Variants in NOM1 observed in about 807,000 individuals in gnomAD.
The protein encoded by NOM1 is nucleolar protein with MIF4G domain 1, also known as nucleolar MIF4G domain-containing protein 1.
In NOM1, 58 loss-of-function variants were observed where a neutral mutation model predicts 73.3. That is an observed-to-expected ratio of 0.79 (90% confidence interval 0.64 to 0.99). The LOEUF (loss-of-function observed/expected upper bound fraction) is 0.99, where lower values mean the gene tolerates loss of function less well. Among genes scored for constraint, NOM1 ranks in the 50% least tolerant of loss-of-function variants. The probability of loss-of-function intolerance (pLI) is 0.00; values close to 1 mark genes in which losing one functional copy is unlikely to be tolerated. For missense variants in NOM1, 1,226 were observed against 1,131.9 expected (o/e 1.08, Z -1.19); for synonymous variants, 487 against 446.8 (o/e 1.09, Z -1.14).
chr7:156,960,358 T>C (rs1227978606), intron 4 of NOM1, 184 bp downstream of exon 4: 3 of 583,068 alleles, frequency 5.1e-6, no homozygotes, highest in Non-Finnish European at 9.0e-6. Flanking sequence ...AGAAAAATAT[T>C]TTGTGAATTT....
chr7:156,964,795 T>C (rs1474768857), intron 7 of NOM1, among the ~76,000 whole-genome samples: 2 of 152,162 alleles, frequency 1.3e-5, no homozygotes, highest in African/African-American at 4.8e-5. Context: ...TGCCTCTCTG[T>C]GGCCTTGCCG....
Position 156,963,174 on chromosome 7 carries a change from C to T in NOM1, c.1910C>T (p.Thr637Met), listed in dbSNP as rs138999947. 88 of 1,613,892 alleles carry T rather than the reference C, an allele frequency of 5.5e-5. 1 individual carries two copies. Among genetic ancestry groups the T allele is most frequent in the Middle Eastern group, 1.6e-4 (1 of 6,084 alleles). Reference sequence around the variant, plus strand: ...CACCTGCAGAAGCAGCTTGTGGGGACGGTAGGGACACCCATGCTCAAGGCT... The same window carrying T: ...CACCTGCAGAAGCAGCTTGTGGGGATGGTAGGGACACCCATGCTCAAGGCT... Reference protein sequence around the residue: ...HTHLQKQLVGTVSSKILELAR... With the variant: ...HTHLQKQLVGMVSSKILELAR... The change falls in exon 6 of 11, where the codon ACG becomes ATG. Residue 637 changes from threonine (T) to methionine (M), a missense_variant and splice_region_variant. Coordinates refer to ENST00000275820, the MANE Select transcript of NOM1 (RefSeq NM_138400.2).
At chr7:156,968,733 A>ATATG (rs1805069236) in intron 9 of NOM1, 3 of 136,842 alleles carry the variant, frequency 2.2e-5, no homozygotes, top group Non-Finnish European at 4.5e-5. Flanking sequence ...ATATATATAT[A>ATATG]GTTTTAATTA....
chr7:156,964,873 C>G (rs1379962868), intron 7 of NOM1, among the ~76,000 whole-genome samples: 1 of 152,194 alleles, frequency 6.6e-6, no homozygotes, highest in Admixed American at 6.5e-5. Flanking sequence ...GAGGAGAACT[C>G]TTATTCTCTA....
intron 8 of NOM1, 55 bp from the exon 9 acceptor site, chr7:156,966,906 T>C: frequency 9.1e-6 from 4 of 440,164 alleles, no homozygotes; most frequent in South Asian, 4.0e-5. Context: ...GTTAGTGATA[T>C]ATTATAGTAA....
chr7:156,960,388 A>C (rs1804835473), intron 4 of NOM1: 1 of 544,074 alleles, frequency 1.8e-6, no homozygotes. Context: ...TTTATTTAAC[A>C]TTCATCCGTT....
At position 156,963,066 on chromosome 7, in the gene NOM1, T is replaced by C; in HGVS notation, c.1802T>C (p.Leu601Ser). ...TQLRVSWDSVLSAEQTGRWWI... is the reference protein window; with the variant it reads ...TQLRVSWDSVSSAEQTGRWWI... ...CTTCGCGTCTCCTGGGACAGTGTCT[T>C]GAGTGCGGAGCAGACGGGTCGCTGG... Residue 601 changes from leucine to serine, a missense_variant, in exon 6 of 11, where the codon TTG becomes TCG. By Grantham distance (145) the Leu-to-Ser change is moderately radical (BLOSUM62 -2). Transcript: ENST00000275820. The C allele has an allele frequency of 6.2e-7, 1 of 1,614,232 alleles. No homozygotes were observed. Among genetic ancestry groups the C allele is most frequent in the African/African-American group, 1.3e-5 (1 of 75,062 alleles).
In NOM1 at chr7:156,963,007, G is replaced by C; in HGVS notation, c.1744-1G>C. 6.2e-7 allele frequency: 1 copy of C among 1,611,026 alleles called. No individual in the cohort carries two copies. Among genetic ancestry groups the C allele is most frequent in the Non-Finnish European group, 8.5e-7 (1 of 1,177,452 alleles). ...TTCATTAGCTCTTCTCTCTTCATCA[G>C]GTCCGCAACGCCGGCTCAGGTTCTG... On this transcript the variant is annotated splice_acceptor_variant, in intron 5 of 10. Coordinates refer to ENST00000275820, the MANE Select transcript of NOM1 (RefSeq NM_138400.2). LOFTEE classifies it high-confidence loss of function.
intron 3 of NOM1, among the ~76,000 whole-genome samples, chr7:156,956,761 C>G (rs1804735400): frequency 6.6e-6 from 1 of 152,196 alleles, no homozygotes; most frequent in African/African-American, 2.4e-5. Context: ...TTTCTAAGAG[C>G]TGTCCTCATT....
In NOM1 at chr7:156,950,032, C is replaced by G; in HGVS notation, c.295C>G (p.Gln99Glu). Residue 99 changes from glutamine (Q) to glutamate (E), a missense_variant, in exon 1 of 11, where the codon CAG becomes GAG. By Grantham distance (29) the Gln-to-Glu change is conservative. Transcript: ENST00000275820. ...GCACCTGCGGAAAGCACGCCGGCTG[C>G]AGAGGACGGCGGGCCCCGAACAGGG... ...KRHLRKARRL[Q>E]RTAGPEQGPG... The G allele has an allele frequency of 6.5e-7, 1 of 1,542,330 alleles. No individual in the cohort carries two copies. The highest frequency in any genetic ancestry group is 8.7e-7 in the Non-Finnish European group (1 of 1,146,876).
At chr7:156,966,845 T>C (rs1022661392) in intron 8 of NOM1, 116 bp from the exon 9 acceptor site, 1 of 1,123,194 alleles carries the variant, frequency 8.9e-7, no homozygotes, top group African/African-American at 1.6e-5. Flanking sequence ...AAAGTCTTGA[T>C]GTTTAGAATA....
intron 5 of NOM1, 75 bp downstream of exon 5, chr7:156,962,336 A>T (rs1186111261): frequency 1.6e-6 from 2 of 1,219,742 alleles, no homozygotes; most frequent in Admixed American, 3.4e-5. Context: ...AAAATCAAGA[A>T]ATAGTCAGAC....
chr7:156,971,241 T>A lies in NOM1; in HGVS notation c.*1538T>A, dbSNP rs1309813818. 1 of 152,256 alleles carries A rather than the reference T, an allele frequency of 6.6e-6. No individual in the cohort carries two copies. Among genetic ancestry groups the A allele is most frequent in the Non-Finnish European group, 1.5e-5 (1 of 68,042 alleles). 9.4% of individuals were successfully genotyped at this position (152,256 alleles called of 1,614,324 possible). On this transcript the variant is annotated 3_prime_UTR_variant, in exon 11 of 11. Coordinates refer to ENST00000275820, the MANE Select transcript of NOM1 (RefSeq NM_138400.2). ...AAGTCACTAAGATGTGAATACAGAATAGACATTGAGAGGTTATATATGTCC... is the reference window on the plus strand; with the variant it reads ...AAGTCACTAAGATGTGAATACAGAAAAGACATTGAGAGGTTATATATGTCC...
chr7:156,962,880 T>C (rs1804899803), intron 5 of NOM1, 128 bp from the exon 6 acceptor site: 2 of 1,022,896 alleles, frequency 2.0e-6, no homozygotes, highest in East Asian at 5.2e-5. Flanking sequence ...ACCGTCCCAA[T>C]TGCCAGTGAC....
At chr7:156,964,079 T>TA in intron 7 of NOM1, 53 bp downstream of exon 7, 1 of 1,579,492 alleles carries the variant, frequency 6.3e-7, no homozygotes, top group Non-Finnish European at 8.6e-7. Context: ...GTAAAATAAG[T>TA]AAGTTGATTT....
In NOM1 at chr7:156,953,180, A is replaced by G. The variant is rs148113603; in HGVS notation, c.1112+582A>G. Among the ~76,000 whole-genome samples the G allele has an allele frequency of 9.2e-5, 14 of 152,104 alleles. No individual in the cohort carries two copies. In the East Asian group the frequency reaches 1.5e-3, roughly 17 times the overall value. The stretch of plus-strand genomic sequence containing the variant: ...CTCTTGCTGCACTGGCTGGAGTGCA[A>G]TGGCGCTATCTCGGCTCACTGCAAC... On this transcript the variant is annotated intron_variant, in intron 2 of 10. Transcript: ENST00000275820.
At chr7:156,967,212 G>A in intron 9 of NOM1, 120 bp downstream of exon 9, 1 of 1,219,888 alleles carries the variant, frequency 8.2e-7, no homozygotes, top group Non-Finnish European at 1.1e-6. Context: ...CATCTGAAAA[G>A]TGCTTGCATT....
chr7:156,951,953 G>A (rs1804604075), intron 1 of NOM1, among the ~76,000 whole-genome samples: 1 of 152,108 alleles, frequency 6.6e-6, no homozygotes, highest in Non-Finnish European at 1.5e-5. Flanking sequence ...TGATCCGCCC[G>A]CCTCAGCGTC....
In NOM1 at chr7:156,950,069, G is replaced by C. The variant is rs1405181103; in HGVS notation, c.332G>C (p.Gly111Ala). ...TAGPEQGPGL[G>A]GRSGAEEASG... ...GGCCCCGAACAGGGTCCCGGCCTGGGAGGCCGAAGCGGAGCCGAAGAAGCC... is the reference window on the plus strand; with the variant it reads ...GGCCCCGAACAGGGTCCCGGCCTGGCAGGCCGAAGCGGAGCCGAAGAAGCC... Residue 111 changes from glycine to alanine, a missense_variant, in exon 1 of 11, where the codon GGA becomes GCA. Gly to Ala is a moderately conservative substitution (Grantham distance 60, BLOSUM62 0). Coordinates refer to ENST00000275820, the MANE Select transcript of NOM1 (RefSeq NM_138400.2). 2 of 1,544,346 alleles carry C rather than the reference G, an allele frequency of 1.3e-6. No homozygotes were observed. The highest frequency in any genetic ancestry group is 1.4e-5 in the African/African-American group (1 of 73,162).
Sources: allele counts gnomAD v4.1 joint callset (sites outside exome capture counted in the v4.1 genomes callset), GRCh38; gene constraint gnomAD v4.1.1; transcripts MANE v1.5; gene names NCBI Gene and HGNC (gene_info 2026-07-23, HGNC 2026-07-21).